ODR4: variants seen among roughly 807,000 people sequenced by gnomAD.
ODR4 encodes odr-4 GPCR localization factor homolog.
A neutral mutation model predicts 60.2 loss-of-function variants in ODR4; 47 were observed. The ratio of observed to expected loss-of-function variants is 0.78; its 90% CI spans 0.62 to 1.00. The LOEUF is 1.00. Ranked by LOEUF, ODR4 falls within the 50% of genes least tolerant of loss-of-function variation. The pLI is 0.00. For missense variants in ODR4, 488 were observed against 530.8 expected (o/e 0.92, Z 0.79); for synonymous variants, 178 against 175.5 (o/e 1.01, Z -0.11).
intron 12 of ODR4, among the ~76,000 whole-genome samples, chr1:186,412,207 G>A (rs1015922658): frequency 6.6e-6 from 1 of 152,158 alleles, no homozygotes; most frequent in Non-Finnish European, 1.5e-5. Context: ...CCCATGTGCT[G>A]TAATATGCTG....
chr1:186,430,777 A>C, the ODR4 span, among the ~76,000 whole-genome samples: 3 of 152,110 alleles, frequency 2.0e-5, no homozygotes, highest in African/African-American at 7.2e-5. Context: ...AGTGGGAACA[A>C]ATTCTAACAT....
intron 4 of ODR4, among the ~76,000 whole-genome samples, chr1:186,387,262 T>A (rs187235952): frequency 5.3e-5 from 8 of 152,292 alleles, no homozygotes; most frequent in South Asian, 2.1e-4. Context: ...CCTGCTAAAT[T>A]GTTTAACCCT....
chr1:186,406,713 T>G (rs1661186911), intron 12 of ODR4, among the ~76,000 whole-genome samples: 1 of 152,136 alleles, frequency 6.6e-6, no homozygotes, highest in African/African-American at 2.4e-5. Flanking sequence ...ACCTTTCATG[T>G]AATTGGGATA....
chr1:186,382,249 TAAAAAAA>T (rs1189752791), intron 2 of ODR4, among the ~76,000 whole-genome samples: 1 of 79,950 alleles, frequency 1.3e-5, no homozygotes, highest in East Asian at 3.1e-4. Context: ...TACAAAAAAG[TAAAAAAA>T]AAAAAAAAAA....
At chr1:186,405,888 C>T (rs1016112333) in intron 11 of ODR4, among the ~76,000 whole-genome samples, 195 bp from the exon 12 acceptor site, 11 of 152,078 alleles carry the variant, frequency 7.2e-5, no homozygotes, top group African/African-American at 2.7e-4. Flanking sequence ...ATTTAGGTTC[C>T]TTGCAAAGAC....
chr1:186,424,342 T>C (rs1661848222), downstream of ODR4, among the ~76,000 whole-genome samples: 1 of 152,196 alleles, frequency 6.6e-6, no homozygotes, highest in Non-Finnish European at 1.5e-5. Flanking sequence ...TAGGAATATG[T>C]ATATTTGTGA....
chr1:186,386,471 A>G lies in ODR4; in HGVS notation c.330+388A>G, dbSNP rs146630125. On this transcript the variant is annotated intron_variant, in intron 4 of 13. Coordinates refer to ENST00000287859, the MANE Select transcript of ODR4 (RefSeq NM_017847.6). ...GACTAATGACAGTAATTCCATGTAA[A>G]TTATGCAAACAAATAATTCATTGTA... 3.7e-3 allele frequency among the ~76,000 whole-genome samples: 566 copies of G among 152,274 alleles called. 5 individuals are homozygous for G. Among genetic ancestry groups the G allele is most frequent in the African/African-American group, 0.013 (549 of 41,570 alleles).
At chr1:186,418,359 C>T (rs975213094) in intron 13 of ODR4, among the ~76,000 whole-genome samples, 10 of 147,802 alleles carry the variant, frequency 6.8e-5, no homozygotes, top group South Asian at 4.2e-4. Context: ...GGCGCAATCT[C>T]GGCTCACTGC....
rs556369415 is a variant in ODR4, at chr1:186,400,153, G to A, written c.1000+1109G>A. ...ACTACAGGCACGCGCCACCATGCCC[G>A]GCTAATTTTTGTATTTTTAGTAGAG... On this transcript the variant is annotated intron_variant, in intron 11 of 13. Transcript: ENST00000287859. Among the ~76,000 whole-genome samples, 1,398 of 150,426 alleles carry A rather than the reference G, an allele frequency of 9.3e-3. 13 individuals carry two copies. Among genetic ancestry groups the A allele is most frequent in the Admixed American group, 0.017 (258 of 15,122 alleles).
chr1:186,414,081 A>G (rs1661465710), intron 12 of ODR4, among the ~76,000 whole-genome samples: 1 of 152,218 alleles, frequency 6.6e-6, no homozygotes, highest in East Asian at 1.9e-4. Flanking sequence ...TATTGGTGAA[A>G]TAACACAGTG....
At chr1:186,402,186 T>TTTTCTTTCTTTCTTTCTTTC (rs777903676) in intron 11 of ODR4, among the ~76,000 whole-genome samples, 10,038 of 91,390 alleles carry the variant, frequency 0.11, 574 homozygotes, top group Middle Eastern at 0.13. Context: ...ATAGGCATCC[T>TTTTCTTTCTTTCTTTCTTTC]ATTCTTTCTT....
the ODR4 span, among the ~76,000 whole-genome samples, chr1:186,433,079 C>T: frequency 2.5e-3 from 374 of 152,144 alleles, 1 homozygote; most frequent in Non-Finnish European, 4.4e-3. Flanking sequence ...CTACCGCACC[C>T]GGCCAGATAT....
At chr1:186,405,449 A>T (rs952415609) in intron 11 of ODR4, among the ~76,000 whole-genome samples, 4 of 152,378 alleles carry the variant, frequency 2.6e-5, no homozygotes, top group African/African-American at 7.2e-5. Flanking sequence ...ATAGTTTCTG[A>T]CATCAAGGAC....
rs1222170224 is a variant in ODR4 at position 186,391,811 on chromosome 1, T to A, written c.711+20T>A. 7.0e-7 allele frequency: 1 copy of A among 1,431,928 alleles called. No individual in the cohort carries two copies. The highest frequency in any genetic ancestry group is 1.2e-5 in the South Asian group (1 of 82,750). The allele number at this position is 1,431,928 out of a possible 1,614,324, so 88.7% of individuals were successfully genotyped here. On this transcript the variant is annotated intron_variant, in intron 8 of 13. Coordinates refer to ENST00000287859, the MANE Select transcript of ODR4 (RefSeq NM_017847.6). The stretch of plus-strand genomic sequence containing the variant: ...GGACAGGTAAGTTAAGAGAAAATCA[T>A]CTTATTAAATTGTTAGTGCTTAAGG...
chr1:186,390,746 T>C lies in ODR4; in HGVS notation c.510T>C (p.Ser170=). ...SARPADWKYQ[S]GLSSSWLSLE... is the part of the protein sequence containing the mutation. The stretch of plus-strand genomic sequence containing the variant: ...GACCAGCAGATTGGAAGTATCAAAG[T>C]GGATTATCATCCTCATGGCTTTCTT... Residue 170 remains serine, a synonymous_variant, in exon 7 of 14, where the codon AGT becomes AGC. Coordinates refer to ENST00000287859, the MANE Select transcript of ODR4 (RefSeq NM_017847.6). 3 of 1,613,552 alleles carry C rather than the reference T, an allele frequency of 1.9e-6. No homozygotes were observed. The highest frequency in any genetic ancestry group is 2.5e-6 in the Non-Finnish European group (3 of 1,179,598).
intron 5 of ODR4, 117 bp downstream of exon 5, chr1:186,388,665 T>G: frequency 1.7e-6 from 1 of 573,844 alleles, no homozygotes; most frequent in Non-Finnish European, 3.0e-6. Context: ...TTTTGTAAGA[T>G]TTTTCTGTAA....
chr1:186,377,831 G>A (rs556089787), intron 1 of ODR4, among the ~76,000 whole-genome samples: 41 of 152,290 alleles, frequency 2.7e-4, no homozygotes, highest in South Asian at 1.9e-3. Context: ...AGATCACACG[G>A]TCAGGAGATC....
At chr1:186,412,328 C>T (rs1414787762) in intron 12 of ODR4, among the ~76,000 whole-genome samples, 1 of 152,090 alleles carries the variant, frequency 6.6e-6, no homozygotes, top group Non-Finnish European at 1.5e-5. Flanking sequence ...TTAGCAGAGG[C>T]ACTGTCTCTG....
chr1:186,411,741 CTT>C (rs1392038032), intron 12 of ODR4: 12 of 304,462 alleles, frequency 3.9e-5, no homozygotes, highest in Non-Finnish European at 4.8e-5. Context: ...AATATTAAAA[CTT>C]AGTTATATGT....
Sources: allele counts gnomAD v4.1 joint callset (sites outside exome capture counted in the v4.1 genomes callset), GRCh38; gene constraint gnomAD v4.1.1; transcripts MANE v1.5; gene names NCBI Gene and HGNC (gene_info 2026-07-23, HGNC 2026-07-21).